The following NUP155 variants were observed in gnomAD, a reference collection of about 807,000 sequenced individuals.
NUP155 encodes the protein nucleoporin 155.
NUP155 carries 71 observed loss-of-function variants against 180.4 expected under a neutral mutation model. The ratio of observed to expected loss-of-function variants is 0.39; its 90% confidence interval spans 0.33 to 0.48. The LOEUF is 0.48. Among genes scored for constraint, NUP155 ranks in the 20% least tolerant of loss-of-function variants. The probability of loss-of-function intolerance (pLI) is 0.91; values close to 1 mark genes in which losing one functional copy is unlikely to be tolerated. For synonymous variants in NUP155, 582 were observed against 559.5 expected, an observed-to-expected ratio of 1.04 and a Z score of -0.57; for missense variants, 1,553 against 1,648.9, an observed-to-expected ratio of 0.94 and a Z score of 1.01.
intron 9 of NUP155, among the ~76,000 whole-genome samples, chr5:37,347,851 A>G: frequency 6.7e-6 from 1 of 150,340 alleles, no homozygotes; most frequent in Non-Finnish European, 1.5e-5. Context: ...AAATACAAAA[A>G]TTAGGCTGGG....
At position 37,358,284 on chromosome 5, in the gene NUP155, G is replaced by C. The variant is rs905218156; in HGVS notation, c.393-133C>G. 1.3e-5 allele frequency: 9 copies of C among 712,358 alleles called. No homozygotes were observed. In the African/African-American group the frequency reaches 1.6e-4, roughly 12 times the overall value. The allele number at this position is 712,358 out of a possible 1,614,324, so 44.1% of individuals were successfully genotyped here. A position where few individuals can be genotyped will look rare whatever the true frequency, so the allele number is the denominator to read the frequency against. On this transcript the variant is annotated intron_variant, in intron 3 of 34. Transcript: ENST00000231498. ...GCCTGAGCCCAGAAGTTCAAGACCA[G>C]CCTGGGCAACATAGTGAGACTGTCT... is the stretch of plus-strand genomic sequence containing the variant.
chr5:37,368,185 C>T (rs998661113), intron 1 of NUP155, among the ~76,000 whole-genome samples: 3 of 139,920 alleles, frequency 2.1e-5, no homozygotes, highest in African/African-American at 8.0e-5. Flanking sequence ...GCTAGGATTA[C>T]AGGCATGAGG....
chr5:37,315,894 C>T (rs564975486), intron 21 of NUP155, among the ~76,000 whole-genome samples: 1 of 152,158 alleles, frequency 6.6e-6, no homozygotes, highest in African/African-American at 2.4e-5. Context: ...GAGCTGAGAT[C>T]GCACCATTGC....
In NUP155 at chr5:37,323,845, G is replaced by A. The variant is rs541711630; in HGVS notation, c.2207+147C>T. 1.6e-5 allele frequency: 10 copies of A among 634,514 alleles called. No homozygotes were observed. In the South Asian group the frequency reaches 1.9e-4, roughly 12 times the overall value. The allele number at this position is 634,514 out of a possible 1,614,324, so 39.3% of individuals were successfully genotyped here. ...GATGAAAATGTTCTAAAATTAGATA[G>A]TGGTGATGGTTGCATAACCTTGTAG... On this transcript the variant is annotated intron_variant, in intron 20 of 34. Transcript: ENST00000231498.
rs751303944 is a variant in NUP155, at chr5:37,370,925, G to C, written c.53C>G (p.Ala18Gly). ...AGCATTTTCCAGAGCTTCCTGCAGG[G>C]CTGCGGCAGATGTAGAGGCCGGCAT... is the stretch of plus-strand genomic sequence containing the variant. ...AAMPASTSAA[A>G]LQEALENAGR... The change falls in exon 1 of 35, where the codon GCC becomes GGC. Residue 18 changes from alanine to glycine, a missense_variant. Transcript: ENST00000231498. The C allele has an allele frequency of 6.2e-7, 1 of 1,614,058 alleles. No individual in the cohort carries two copies. The highest frequency in any genetic ancestry group is 1.3e-5 in the African/African-American group (1 of 74,938).
chr5:37,365,851 G>T (rs922700125), intron 1 of NUP155, among the ~76,000 whole-genome samples: 3 of 148,784 alleles, frequency 2.0e-5, no homozygotes, highest in Non-Finnish European at 3.0e-5. Context: ...TAATAATTTA[G>T]TGTTTTTCTA....
At chr5:37,358,195 T>C (rs368768332) in intron 3 of NUP155, 44 bp from the exon 4 acceptor site, 23 of 1,364,982 alleles carry the variant, frequency 1.7e-5, no homozygotes, top group Non-Finnish European at 2.3e-5. Context: ...ATAAAGCAAA[T>C]AGGCCAGATG....
At chr5:37,361,970 C>G (rs1031477783) in intron 3 of NUP155, among the ~76,000 whole-genome samples, 21 of 152,106 alleles carry the variant, frequency 1.4e-4, no homozygotes, top group African/African-American at 4.8e-4. Flanking sequence ...TCCCCTACCC[C>G]TCTGCCATGT....
intron 9 of NUP155, 58 bp downstream of exon 9, chr5:37,348,447 A>G (rs945627071): frequency 1.5e-5 from 16 of 1,067,000 alleles, no homozygotes; most frequent in Non-Finnish European, 2.2e-5. Context: ...AGAAGGCTAC[A>G]CACAAATAGT....
At chr5:37,323,422 A>G (rs1744376091) in intron 20 of NUP155, among the ~76,000 whole-genome samples, 1 of 152,146 alleles carries the variant, frequency 6.6e-6, no homozygotes, top group Admixed American at 6.6e-5. Flanking sequence ...TACAACAATC[A>G]AACCTTGAAA....
intron 23 of NUP155, 118 bp downstream of exon 23, chr5:37,310,434 G>A: frequency 4.1e-6 from 3 of 736,816 alleles, no homozygotes; most frequent in South Asian, 3.5e-5. Flanking sequence ...AGGATTCTGA[G>A]GCTAGGAGAG....
At chr5:37,346,722 T>C (rs368170518) in intron 9 of NUP155, among the ~76,000 whole-genome samples, 3 of 151,802 alleles carry the variant, frequency 2.0e-5, no homozygotes, top group Non-Finnish European at 4.4e-5. Context: ...ACCAAGGTAG[T>C]TGGGATATGT....
At chr5:37,340,270 A>G (rs1172818819) in intron 11 of NUP155, among the ~76,000 whole-genome samples, 1 of 152,006 alleles carries the variant, frequency 6.6e-6, no homozygotes, top group Non-Finnish European at 1.5e-5. Context: ...GCAAAAGCCT[A>G]TCTCTACAAA....
At chr5:37,351,880 G>A (rs547720612) in intron 5 of NUP155, among the ~76,000 whole-genome samples, 1 of 152,084 alleles carries the variant, frequency 6.6e-6, no homozygotes, top group African/African-American at 2.4e-5. Flanking sequence ...GAGTGTGTGT[G>A]TGTGTGTGTG....
At chr5:37,304,029 C>T (rs140239588) in intron 27 of NUP155, among the ~76,000 whole-genome samples, 1 of 149,484 alleles carries the variant, frequency 6.7e-6, no homozygotes, top group Non-Finnish European at 1.5e-5. Flanking sequence ...GGGCAGATCA[C>T]CTGAGCTCAG....
chr5:37,361,322 A>T (rs1747207082), intron 3 of NUP155, among the ~76,000 whole-genome samples: 1 of 151,776 alleles, frequency 6.6e-6, no homozygotes, highest in Admixed American at 6.6e-5. Flanking sequence ...AGAGAGAGAG[A>T]AATAAAGATA....
intron 33 of NUP155, 99 bp downstream of exon 33, chr5:37,294,230 T>G: frequency 2.5e-6 from 2 of 815,398 alleles, no homozygotes; most frequent in Admixed American, 4.6e-5. Flanking sequence ...TTAGACTAAG[T>G]GATAGGATAC....
rs755410136 is a variant in NUP155 at position 37,310,654 on chromosome 5, G to T, written c.2526C>A (p.Ile842=). ...CGGCATTATCTCTGATGTAGCAGTT[G>T]ATAAGAGAAGCAATTAATGCCCCTG... The part of the protein sequence containing the change: ...ELTGALIASL[I]NCYIRDNAAV... The change falls in exon 23 of 35, where the codon ATC becomes ATA. Residue 842 remains isoleucine, a synonymous_variant. Coordinates refer to ENST00000231498, the MANE Select transcript of NUP155 (RefSeq NM_153485.3). The T allele has an allele frequency of 6.2e-7, 1 of 1,613,710 alleles. No individual in the cohort carries two copies. The highest frequency in any genetic ancestry group is 8.5e-7 in the Non-Finnish European group (1 of 1,179,738).
chr5:37,303,424 A>T lies in NUP155; in HGVS notation c.3163-10T>A. The T allele has an allele frequency of 6.2e-7, 1 of 1,613,026 alleles. No individual in the cohort carries two copies. Among genetic ancestry groups the T allele is most frequent in the Non-Finnish European group, 8.5e-7 (1 of 1,179,240 alleles). ...GAAATGGAGAAGCAACCTAGAAATT[A>T]TATAGTTATTCAGAAAAATTTTCTA... On this transcript the variant is annotated splice_polypyrimidine_tract_variant and intron_variant, in intron 27 of 34. Coordinates refer to ENST00000231498, the MANE Select transcript of NUP155 (RefSeq NM_153485.3).
Sources: allele counts gnomAD v4.1 joint callset (sites outside exome capture counted in the v4.1 genomes callset), GRCh38; gene constraint gnomAD v4.1.1; transcripts MANE v1.5; gene names NCBI Gene and HGNC (gene_info 2026-07-23, HGNC 2026-07-21).